SNTG1: variants seen among roughly 807,000 people sequenced by gnomAD.
The protein encoded by SNTG1 is syntrophin gamma 1.
Under a neutral mutation model 74.7 loss-of-function variants are expected in SNTG1, and 39 were observed. The observed-to-expected ratio is 0.52, with a 90% CI of 0.40 to 0.68. The LOEUF (loss-of-function observed/expected upper bound fraction) is 0.68, where lower values mean the gene tolerates loss of function less well. Among genes scored for constraint, SNTG1 ranks in the 30% least tolerant of loss-of-function variants. The pLI is 0.00. For synonymous variants in SNTG1, 254 were observed against 217.1 expected, an observed-to-expected ratio of 1.17 and a Z score of -1.49; for missense variants, 685 against 609.5, an observed-to-expected ratio of 1.12 and a Z score of -1.30.
intron 1 of SNTG1, among the ~76,000 whole-genome samples, chr8:50,094,453 C>CA (rs2079854732): frequency 6.6e-6 from 1 of 151,874 alleles, no homozygotes; most frequent in Admixed American, 6.6e-5. Flanking sequence ...GTCTAATATC[C>CA]AAAATCTATA....
chr8:49,919,671 G>A (rs1319712226), intron 1 of SNTG1, among the ~76,000 whole-genome samples: 2 of 152,034 alleles, frequency 1.3e-5, no homozygotes, highest in Non-Finnish European at 2.9e-5. Context: ...AATATGAAAA[G>A]GACACACAAG....
intron 1 of SNTG1, chr8:50,163,730 C>T (rs34997857): frequency 6.6e-6 from 1 of 151,986 alleles, no homozygotes; most frequent in Non-Finnish European, 1.5e-5. Flanking sequence ...GGGTCTGCCG[C>T]CTCCACCTCC....
intron 1 of SNTG1, among the ~76,000 whole-genome samples, chr8:50,086,929 G>A (rs1222691029): frequency 2.6e-5 from 4 of 152,148 alleles, no homozygotes; most frequent in Non-Finnish European, 5.9e-5. Flanking sequence ...ATTGGAAACG[G>A]ACATTGTTTT....
At chr8:50,048,345 T>C (rs960759064) in intron 1 of SNTG1, among the ~76,000 whole-genome samples, 1 of 152,126 alleles carries the variant, frequency 6.6e-6, no homozygotes, top group Admixed American at 6.5e-5. Flanking sequence ...GTTGTATATA[T>C]GAAATAAGAA....
At chr8:50,286,183 A>G (rs567028043) in intron 2 of SNTG1, among the ~76,000 whole-genome samples, 21 of 152,242 alleles carry the variant, frequency 1.4e-4, no homozygotes, top group African/African-American at 4.8e-4. Flanking sequence ...AGTAGTGTTC[A>G]GAGAATGGGA....
intron 1 of SNTG1, among the ~76,000 whole-genome samples, chr8:50,072,253 A>G (rs958356328): frequency 6.6e-6 from 1 of 152,214 alleles, no homozygotes; most frequent in Non-Finnish European, 1.5e-5. Context: ...ACTGCTATAG[A>G]GAGTTGTTTA....
chr8:50,408,265 CCTTGCTTTAAAGT>C, intron 4 of SNTG1, among the ~76,000 whole-genome samples: 1 of 80,606 alleles, frequency 1.2e-5, no homozygotes, highest in Admixed American at 1.3e-4. Flanking sequence ...CTTTAAAGTT[CCTTGCTTTAAAGT>C]TAAACTATAA....
At chr8:50,274,194 C>A (rs1219958695) in intron 2 of SNTG1, among the ~76,000 whole-genome samples, 1 of 151,996 alleles carries the variant, frequency 6.6e-6, no homozygotes, top group African/African-American at 2.4e-5. Context: ...TCAAGCGATT[C>A]TCCCACCTCA....
At chr8:50,114,033 T>C (rs1308898900) in intron 1 of SNTG1, among the ~76,000 whole-genome samples, 1 of 152,118 alleles carries the variant, frequency 6.6e-6, no homozygotes, top group South Asian at 2.1e-4. Flanking sequence ...GATTATGTGA[T>C]CTTTACTGCT....
At position 50,569,639 on chromosome 8, in the gene SNTG1, CA is replaced by C. The variant is rs199786609; in HGVS notation, c.810+16461del. ...AAAATCATGATGGAATAAAGACTAACAGAAGGAAGATTTACCAAAAATGAAC... is the reference window on the plus strand; with the variant it reads ...AAAATCATGATGGAATAAAGACTAACGAAGGAAGATTTACCAAAAATGAAC... On this transcript the variant is annotated intron_variant, in intron 12 of 18. Coordinates refer to ENST00000642720, the MANE Select transcript of SNTG1 (RefSeq NM_018967.5). Among the ~76,000 whole-genome samples, 159 of 151,924 alleles carry C rather than the reference CA, an allele frequency of 1.0e-3. 2 individuals are homozygous for C. The East Asian group carries it at 0.028, about 27-fold the overall frequency.
chr8:50,691,478 T>C (rs2095379089), intron 15 of SNTG1, among the ~76,000 whole-genome samples: 1 of 152,236 alleles, frequency 6.6e-6, no homozygotes, highest in South Asian at 2.1e-4. Context: ...TGTTTGTCTG[T>C]AAAGTATTTT....
At chr8:50,040,805 AT>A (rs1818570397) in intron 1 of SNTG1, among the ~76,000 whole-genome samples, 1 of 152,220 alleles carries the variant, frequency 6.6e-6, no homozygotes, top group African/African-American at 2.4e-5. Flanking sequence ...AATAATAGTT[AT>A]TAATTTCATT....
intron 2 of SNTG1, among the ~76,000 whole-genome samples, chr8:50,192,390 C>T (rs2083609881): frequency 6.6e-6 from 1 of 152,080 alleles, no homozygotes; most frequent in Admixed American, 6.6e-5. Flanking sequence ...CATCATGTAA[C>T]ATTTCCCTGA....
chr8:50,758,448 C>T (rs2095587356), intron 18 of SNTG1, among the ~76,000 whole-genome samples: 2 of 151,904 alleles, frequency 1.3e-5, no homozygotes, highest in Admixed American at 6.6e-5. Flanking sequence ...TTAGGTATTC[C>T]TGCTAATGCT....
chr8:50,773,178 T>C (rs2095631674), intron 18 of SNTG1, among the ~76,000 whole-genome samples: 1 of 152,214 alleles, frequency 6.6e-6, no homozygotes, highest in East Asian at 1.9e-4. Context: ...TATTTAACAA[T>C]CAACAGTTTA....
At chr8:50,645,899 A>C (rs934429305) in intron 13 of SNTG1, among the ~76,000 whole-genome samples, 1 of 151,158 alleles carries the variant, frequency 6.6e-6, no homozygotes, top group Non-Finnish European at 1.5e-5. Context: ...CTGAGGGGGA[A>C]AGTGTCTCGG....
chr8:50,576,847 A>G (rs910748685), intron 12 of SNTG1, among the ~76,000 whole-genome samples: 1 of 152,126 alleles, frequency 6.6e-6, no homozygotes, highest in African/African-American at 2.4e-5. Context: ...TATAACAATT[A>G]CTTTTGGATA....
intron 4 of SNTG1, among the ~76,000 whole-genome samples, chr8:50,436,039 AC>A (rs1290025044): frequency 6.6e-6 from 1 of 152,122 alleles, no homozygotes; most frequent in African/African-American, 2.4e-5. Context: ...GCAATTACTG[AC>A]CGAGTTTTCC....
At chr8:50,488,133 G>T (rs950446707) in intron 8 of SNTG1, among the ~76,000 whole-genome samples, 1 of 152,122 alleles carries the variant, frequency 6.6e-6, no homozygotes, top group Non-Finnish European at 1.5e-5. Context: ...CTGCGAAGTG[G>T]TGCTGTGCAG....
Sources: allele counts gnomAD v4.1 joint callset (sites outside exome capture counted in the v4.1 genomes callset), GRCh38; gene constraint gnomAD v4.1.1; transcripts MANE v1.5; gene names NCBI Gene and HGNC (gene_info 2026-07-23, HGNC 2026-07-21).